The following ATP10A variants were observed in gnomAD, a reference collection of about 807,000 sequenced individuals.
ATP10A encodes the protein phospholipid-transporting ATPase VA.
A neutral mutation model predicts 147.8 loss-of-function variants in ATP10A; 111 were observed. The observed-to-expected ratio is 0.75, with a 90% CI of 0.64 to 0.88. The LOEUF (loss-of-function observed/expected upper bound fraction) is 0.88, where lower values mean the gene tolerates loss of function less well. Ranked by LOEUF, ATP10A falls within the 40% of genes least tolerant of loss-of-function variation. The pLI is 0.00. For synonymous variants in ATP10A, 875 were observed against 841.6 expected, an observed-to-expected ratio of 1.04 and a Z score of -0.69; for missense variants, 1,927 against 1,959.0, an observed-to-expected ratio of 0.98 and a Z score of 0.31.
At chr15:25,755,255 G>C (rs946181286) in intron 2 of ATP10A, among the ~76,000 whole-genome samples, 1 of 152,124 alleles carries the variant, frequency 6.6e-6, no homozygotes, top group Non-Finnish European at 1.5e-5. Flanking sequence ...AAGAATTCAA[G>C]GTCTTAATTG....
chr15:25,734,654 G>A (rs868768890), intron 3 of ATP10A, among the ~76,000 whole-genome samples: 1 of 152,160 alleles, frequency 6.6e-6, no homozygotes, highest in Non-Finnish European at 1.5e-5. Context: ...TCCCCAAATC[G>A]TAGAGGTTAT....
At chr15:25,730,136 CA>C (rs765379278) in intron 3 of ATP10A, among the ~76,000 whole-genome samples, 2,815 of 100,632 alleles carry the variant, frequency 0.028, 55 homozygotes, top group African/African-American at 0.072. Context: ...ACTAAAAATA[CA>C]AAAAAAAAAA....
rs552506468 is a variant in ATP10A at position 25,706,842 on chromosome 15, G to A, written c.2575+1134C>T. ...AAACAAGCCTGGTCAATGAGGCTGG[G>A]CGGGCACGTCTGGGACAACCAGCAG... On this transcript the variant is annotated intron_variant, in intron 12 of 20. Transcript: ENST00000555815. 2.6e-5 allele frequency among the ~76,000 whole-genome samples: 4 copies of A among 152,322 alleles called. No individual in the cohort carries two copies. The East Asian group carries it at 7.7e-4, about 29-fold the overall frequency.
chr15:25,861,092 C>T (rs190135219), intron 1 of ATP10A, among the ~76,000 whole-genome samples: 14 of 152,230 alleles, frequency 9.2e-5, no homozygotes, highest in Admixed American at 2.6e-4. Context: ...TCCCACAGCC[C>T]GGTCTAATGA....
chr15:25,681,062 G>A lies in ATP10A; in HGVS notation c.3505C>T (p.Arg1169Ter), dbSNP rs991527841. The A allele has an allele frequency of 6.8e-6, 11 of 1,613,628 alleles. No homozygotes were observed. Among genetic ancestry groups the A allele is most frequent in the Non-Finnish European group, 8.5e-6 (10 of 1,179,686 alleles). ...SGQNMEEYRP[R>*]TFWFNMADAA... ...TCGGCCATGTTAAACCAGAACGTTC[G>A]TGGCCGGTATTCCTGGGACACAAAA... is the stretch of plus-strand genomic sequence containing the variant. The change falls in exon 18 of 21, where the codon CGA becomes TGA. Residue 1169 changes from arginine to a stop codon, truncating the protein, a stop_gained. Coordinates refer to ENST00000555815, the MANE Select transcript of ATP10A (RefSeq NM_024490.4). LOFTEE classifies it high-confidence loss of function.
chr15:25,741,848 G>C (rs1004078058), intron 2 of ATP10A, among the ~76,000 whole-genome samples: 1 of 152,066 alleles, frequency 6.6e-6, no homozygotes, highest in Non-Finnish European at 1.5e-5. Flanking sequence ...GTTATTTATT[G>C]AAAAAATAAA....
At chr15:25,830,141 G>A (rs900393177) in intron 1 of ATP10A, among the ~76,000 whole-genome samples, 3 of 152,134 alleles carry the variant, frequency 2.0e-5, no homozygotes, top group Non-Finnish European at 4.4e-5. Flanking sequence ...CCACGGAGAG[G>A]AGGAGGCCTG....
intron 15 of ATP10A, among the ~76,000 whole-genome samples, chr15:25,689,980 A>C (rs1899929079): frequency 6.6e-6 from 1 of 152,238 alleles, no homozygotes; most frequent in African/African-American, 2.4e-5. Context: ...AAACAGTGAA[A>C]ACAGAAGCAA....
chr15:25,724,322 G>A lies in ATP10A; in HGVS notation c.980-301C>T, dbSNP rs187193494. 4.6e-5 allele frequency among the ~76,000 whole-genome samples: 7 copies of A among 152,268 alleles called. No homozygotes were observed. The East Asian group carries it at 7.7e-4, about 17-fold the overall frequency. On this transcript the variant is annotated intron_variant, in intron 5 of 20. Transcript: ENST00000555815. ...GTGTTGGCAGCTGACAGTGTGAGGC[G>A]CCAAGACAGAATTTCTTAACACGCA... is the stretch of plus-strand genomic sequence containing the variant.
At chr15:25,861,181 A>G (rs902875900) in intron 1 of ATP10A, among the ~76,000 whole-genome samples, 5 of 152,194 alleles carry the variant, frequency 3.3e-5, no homozygotes, top group South Asian at 2.1e-4. Flanking sequence ...GGGCCATCAT[A>G]TAAGAGTTAC....
chr15:25,695,876 C>T (rs1009513572), intron 13 of ATP10A, among the ~76,000 whole-genome samples: 7 of 151,928 alleles, frequency 4.6e-5, no homozygotes, highest in Admixed American at 3.9e-4. Flanking sequence ...TGATTAGCCC[C>T]TAAAGAAATG....
chr15:25,852,167 C>G (rs1056223389), intron 1 of ATP10A, among the ~76,000 whole-genome samples: 27 of 151,946 alleles, frequency 1.8e-4, no homozygotes, highest in Non-Finnish European at 1.9e-4. Context: ...GAATGCCACC[C>G]TCCTTCCAAT....
At chr15:25,698,247 T>G (rs770205134) in intron 13 of ATP10A, among the ~76,000 whole-genome samples, 2 of 152,228 alleles carry the variant, frequency 1.3e-5, no homozygotes, top group African/African-American at 4.8e-5. Context: ...GAGAAATAAG[T>G]CTGTACTATC....
chr15:25,827,761 T>C (rs1052251197), intron 1 of ATP10A, among the ~76,000 whole-genome samples: 2 of 152,176 alleles, frequency 1.3e-5, no homozygotes, highest in Admixed American at 6.5e-5. Context: ...ACATAAAGAC[T>C]GCAAATAGCA....
chr15:25,723,989 T>G lies in ATP10A; in HGVS notation c.1012A>C (p.Lys338Gln). The G allele has an allele frequency of 2.5e-6, 4 of 1,607,682 alleles. No individual in the cohort carries two copies. The highest frequency in any genetic ancestry group is 3.4e-6 in the Non-Finnish European group (4 of 1,177,584). The part of the protein sequence containing the change: ...HGLWIWRYQE[K>Q]KSLFYVPKSD... ...TTGGGGACATAAAATAATGACTTCT[T>G]CTCTTGATACCGCCATATCCACAGT... The change falls in exon 6 of 21, where the codon AAG (lysine) becomes CAG (glutamine). Residue 338 changes from lysine to glutamine, a missense_variant. By Grantham distance (53) the Lys-to-Gln change is moderately conservative (BLOSUM62 1). Coordinates refer to ENST00000555815, the MANE Select transcript of ATP10A (RefSeq NM_024490.4).
chr15:25,857,004 C>T (rs189766230), intron 1 of ATP10A, among the ~76,000 whole-genome samples: 1 of 152,172 alleles, frequency 6.6e-6, no homozygotes, highest in Non-Finnish European at 1.5e-5. Context: ...GGGGGAAAAT[C>T]TATAGACTAA....
At chr15:25,673,145 C>T (rs1023566464), downstream of ATP10A, among the ~76,000 whole-genome samples, 2 of 152,078 alleles carry the variant, frequency 1.3e-5, no homozygotes, top group South Asian at 2.1e-4. Flanking sequence ...AGTGGTCAGC[C>T]GTCAGGATGA....
intron 1 of ATP10A, among the ~76,000 whole-genome samples, chr15:25,784,227 G>T (rs1890055504): frequency 6.6e-6 from 1 of 152,226 alleles, no homozygotes; most frequent in South Asian, 2.1e-4. Flanking sequence ...CTCAGAGGAA[G>T]GCAGCCTATG....
intron 1 of ATP10A, among the ~76,000 whole-genome samples, chr15:25,789,769 G>A (rs1198553407): frequency 6.6e-6 from 1 of 152,114 alleles, no homozygotes; most frequent in Non-Finnish European, 1.5e-5. Context: ...GAGATTTGGG[G>A]CTGGATATCC....
Sources: allele counts gnomAD v4.1 joint callset (sites outside exome capture counted in the v4.1 genomes callset), GRCh38; gene constraint gnomAD v4.1.1; transcripts MANE v1.5; gene names NCBI Gene and HGNC (gene_info 2026-07-23, HGNC 2026-07-21).